Variants in CHRD observed in about 807,000 individuals in gnomAD.
CHRD encodes the protein chordin.
In CHRD, 69 loss-of-function variants were observed where a neutral mutation model predicts 113.7. The ratio of observed to expected loss-of-function variants is 0.61; its 90% CI spans 0.50 to 0.74. The LOEUF (loss-of-function observed/expected upper bound fraction) is 0.74, where lower values mean the gene tolerates loss of function less well. Ranked by LOEUF, CHRD falls within the 30% of genes least tolerant of loss-of-function variation. The pLI is 0.00. For missense variants in CHRD, 1,194 were observed against 1,295.8 expected, an observed-to-expected ratio of 0.92 and a Z score of 1.21; for synonymous variants, 561 against 540.8, an observed-to-expected ratio of 1.04 and a Z score of -0.52.
At chr3:184,383,064 G>T in exon 10 of CHRD, 1 of 1,612,008 alleles carries the variant, frequency 6.2e-7, no homozygotes, top group African/African-American at 1.3e-5. Context: ...CCAGGAGATG[G>T]ACTGGCTGGT....
exon 23 of CHRD, chr3:184,389,434 A>G: frequency 6.2e-7 from 1 of 1,612,620 alleles, no homozygotes; most frequent in Non-Finnish European, 8.5e-7. Context: ...GAGCAGCCAG[A>G]GGGCCAAGTG....
chr3:184,389,426 GC>G (rs1181003193), exon 23 of CHRD: 1 of 1,613,064 alleles, frequency 6.2e-7, no homozygotes, highest in African/African-American at 1.3e-5. Context: ...CTCTTAGGGA[GC>G]AGCCAGAGGG....
Position 184,382,790 on chromosome 3 carries a change from G to T in CHRD, c.982+16G>T. ...AGGAGTGGGGGTAAGTGGGATGGGG[G>T]CAAAACACGTGAGAAGGTTAGGGAG... On this transcript the variant is annotated intron_variant, in intron 8 of 22. Transcript: ENST00000204604. 6.2e-7 allele frequency: 1 copy of T among 1,613,414 alleles called. No individual in the cohort carries two copies. The highest frequency in any genetic ancestry group is 1.1e-5 in the South Asian group (1 of 90,938).
intron 22 of CHRD, 133 bp from the exon 23 acceptor site, chr3:184,389,234 G>C (rs1716843051): frequency 1.3e-6 from 1 of 759,230 alleles, no homozygotes; most frequent in Admixed American, 2.5e-5. Flanking sequence ...ACCCAGCTGT[G>C]TGCACTGACC....
rs751612526 is a variant in CHRD, at chr3:184,386,491, G to A, written c.1933-1G>A. The A allele has an allele frequency of 6.5e-7, 1 of 1,538,902 alleles. No homozygotes were observed. ...CTGCCTCAGTTGGCCTCTCCTCCCA[G>A]GTGCACATAGCCAACCAATGTGAGG... On this transcript the variant is annotated splice_acceptor_variant, in intron 15 of 22. Transcript: ENST00000204604. LOFTEE classifies it high-confidence loss of function.
chr3:184,389,621 C>A, exon 23 of CHRD: 3 of 575,704 alleles, frequency 5.2e-6, no homozygotes, highest in Non-Finnish European at 6.3e-6. Context: ...GAGGTCACAG[C>A]CACTCCAAGT....
rs370232913 is a variant in CHRD at position 184,383,170 on chromosome 3, C to CGG, written c.1213+16_1213+17dup. ...GCCAGGAAGAGCTGCGACGGTGAGG[C>CGG]GGGGGGGGGGCCTGGTGCGCCGGGC... On this transcript the variant is annotated splice_region_variant and intron_variant, in intron 10 of 22. Transcript: ENST00000204604. 3.2e-3 allele frequency: 4,365 copies of CGG among 1,383,044 alleles called. No homozygotes were observed. Among genetic ancestry groups the CGG allele is most frequent in the Non-Finnish European group, 3.4e-3 (3,540 of 1,031,552 alleles). 85.7% of individuals were successfully genotyped at this position (1,383,044 alleles called of 1,614,324 possible).
chr3:184,381,694 G>A lies in CHRD; in HGVS notation c.512-22G>A. On this transcript the variant is annotated intron_variant, in intron 4 of 22. Transcript: ENST00000204604. The surrounding 1 kb of genome is among the most constrained non-coding windows in gnomAD (Gnocchi z 4.7). The stretch of plus-strand genomic sequence containing the variant: ...CCAAAGCGGCGTTTGACAGTGCTCA[G>A]GCCATCTTCCTCCCGTCCCAGACTT... The A allele has an allele frequency of 6.2e-7, 1 of 1,611,742 alleles. No individual in the cohort carries two copies. Among genetic ancestry groups the A allele is most frequent in the Non-Finnish European group, 8.5e-7 (1 of 1,179,422 alleles).
Position 184,381,660 on chromosome 3 carries a change from G to T in CHRD, c.511+36G>T, listed in dbSNP as rs545703625. 1.0e-5 allele frequency: 16 copies of T among 1,605,494 alleles called. No individual in the cohort carries two copies. In the East Asian group the frequency reaches 1.8e-4, roughly 18 times the overall value. On this transcript the variant is annotated intron_variant, in intron 4 of 22. Coordinates refer to ENST00000204604, the Ensembl canonical transcript of CHRD. The surrounding 1 kb of genome is among the most constrained non-coding windows in gnomAD (Gnocchi z 4.7). The stretch of plus-strand genomic sequence containing the variant: ...GGCGAACAGCGGGGTTGTGGTTGAG[G>T]CTGGGCCACCAAAGCGGCGTTTGAC...
Position 184,381,370 on chromosome 3 carries a change from T to C in CHRD, c.382+6T>C. On this transcript the variant is annotated splice_donor_region_variant and intron_variant, in intron 3 of 22. Coordinates refer to ENST00000204604, the Ensembl canonical transcript of CHRD. The surrounding 1 kb of genome is among the most constrained non-coding windows in gnomAD (Gnocchi z 4.7). ...CTGCCAGACCTGCCCCCAGGGTAAG[T>C]CTTGCTCCGCCCTGCGGGGAGGGAG... The C allele has an allele frequency of 6.3e-7, 1 of 1,589,454 alleles. No homozygotes were observed. The highest frequency in any genetic ancestry group is 8.6e-7 in the Non-Finnish European group (1 of 1,168,134).
exon 11 of CHRD, chr3:184,383,321 G>T: frequency 6.2e-7 from 1 of 1,613,648 alleles, no homozygotes; most frequent in South Asian, 1.1e-5. Flanking sequence ...GTCCTGCAAA[G>T]TGTCCTTTGT....
chr3:184,387,408 A>G lies in CHRD; in HGVS notation c.2382A>G (p.Ala794=). ...TTGATGGTGACCGGAGCTGGCGGGC[A>G]GCGGGTACGCGGTGGCACCCCGTTG... The change falls in exon 19 of 23, where the codon GCA becomes GCG. Residue 794 remains alanine (A), a synonymous_variant. Coordinates refer to ENST00000204604, the Ensembl canonical transcript of CHRD. The surrounding 1 kb of genome is among the most constrained non-coding windows in gnomAD (Gnocchi z 6.1). 1 of 1,613,094 alleles carries G rather than the reference A, an allele frequency of 6.2e-7. No individual in the cohort carries two copies. Among genetic ancestry groups the G allele is most frequent in the Non-Finnish European group, 8.5e-7 (1 of 1,179,620 alleles).
Position 184,383,182 on chromosome 3 carries a change from C to T in CHRD, c.1213+19C>T. ...TGCGACGGTGAGGCGGGGGGGGGGC[C>T]TGGTGCGCCGGGCATGCACAACTGA... On this transcript the variant is annotated intron_variant, in intron 10 of 22. Transcript: ENST00000204604. 1.3e-6 allele frequency: 2 copies of T among 1,592,404 alleles called. No individual in the cohort carries two copies. Among genetic ancestry groups the T allele is most frequent in the Non-Finnish European group, 1.7e-6 (2 of 1,169,054 alleles).
At position 184,382,629 on chromosome 3, in the gene CHRD, C is replaced by A. The variant is rs771133956; in HGVS notation, c.842-5C>A. ...GACGGGCTCTCATCATCGTCCCTTCCCCAGAGACCTTCAGTGCCATCCTGA... is the reference window on the plus strand; with the variant it reads ...GACGGGCTCTCATCATCGTCCCTTCACCAGAGACCTTCAGTGCCATCCTGA... On this transcript the variant is annotated splice_polypyrimidine_tract_variant and splice_region_variant and intron_variant, in intron 7 of 22. Coordinates refer to ENST00000204604, the Ensembl canonical transcript of CHRD. 10 of 1,612,572 alleles carry A rather than the reference C, an allele frequency of 6.2e-6. No individual in the cohort carries two copies. Among genetic ancestry groups the A allele is most frequent in the African/African-American group, 1.3e-5 (1 of 74,970 alleles).
exon 23 of CHRD, chr3:184,389,490 C>A (rs1212380334): frequency 2.1e-6 from 3 of 1,427,310 alleles, no homozygotes; most frequent in African/African-American, 2.8e-5. Flanking sequence ...GCATCGAGGA[C>A]CTTCTTGCAT....
downstream of CHRD, chr3:184,389,836 C>T (rs1716928057): frequency 2.5e-5 from 4 of 162,160 alleles, no homozygotes; most frequent in Non-Finnish European, 2.7e-5. Context: ...AGTCTTTGGG[C>T]ATGAGGTTGG....
In CHRD at chr3:184,385,361, A is replaced by T. The variant is rs1716117521; in HGVS notation, c.1818+123A>T. The T allele has an allele frequency of 4.3e-6, 3 of 698,268 alleles. No individual in the cohort carries two copies. The African/African-American group carries it at 5.4e-5, about 12-fold the overall frequency. The allele number at this position is 698,268 out of a possible 1,614,324, so 43.3% of individuals were successfully genotyped here. On this transcript the variant is annotated intron_variant, in intron 14 of 22. Coordinates refer to ENST00000204604, the Ensembl canonical transcript of CHRD. ...CTGGTATAGAAGAGCTGGCATAAAT[A>T]AAATAAATTAAACAGTGATTTGTAG...
Position 184,385,259 on chromosome 3 carries a change from G to A in CHRD, c.1818+21G>A, listed in dbSNP as rs777488606. On this transcript the variant is annotated intron_variant, in intron 14 of 22. Transcript: ENST00000204604. ...CAGAGGTAAGGATGTGATGGTAGGC[G>A]GCAGCTTGGAACATTTCTGTTTTTT... 4.5e-5 allele frequency: 71 copies of A among 1,583,542 alleles called. 1 individual carries two copies. The highest frequency in any genetic ancestry group is 3.3e-4 in the Middle Eastern group (2 of 6,042).
chr3:184,382,994 T>A (rs372980739), intron 9 of CHRD, 22 bp from the exon 10 acceptor site: 51 of 1,612,540 alleles, frequency 3.2e-5, no homozygotes, highest in Non-Finnish European at 4.0e-5. Context: ...CTATTGCCCA[T>A]CACACCCTGC....
Sources: gnomAD v4.1 joint callset for allele counts on GRCh38, gnomAD v4.1.1 for gene constraint, Gnocchi (gnomAD v3.1) non-coding constraint, MANE v1.5 for transcripts, NCBI Gene and HGNC (gene_info 2026-07-23, HGNC 2026-07-21) for gene names.